The following ALLC variants were observed in gnomAD, a reference collection of about 807,000 sequenced individuals.
The protein encoded by ALLC is probable inactive allantoicase.
In ALLC, 40 loss-of-function variants were observed where a neutral mutation model predicts 45.0. The ratio of observed to expected loss-of-function variants is 0.89; its 90% confidence interval spans 0.69 to 1.16. ALLC has a LOEUF of 1.16. Among genes scored for constraint, ALLC ranks in the 50% most tolerant of loss-of-function variants. The pLI is 0.00. For missense variants in ALLC, 488 were observed against 493.1 expected (o/e 0.99, Z 0.10); for synonymous variants, 176 against 178.1 (o/e 0.99, Z 0.09).
chr2:3,648,204 C>A, the ALLC span, among the ~76,000 whole-genome samples: 2 of 152,314 alleles, frequency 1.3e-5, no homozygotes, highest in Non-Finnish European at 2.9e-5. Context: ...TTTCTCCCCC[C>A]ATTAAGGAGC....
intron 4 of ALLC, among the ~76,000 whole-genome samples, chr2:3,679,231 A>G (rs1667108244): frequency 6.6e-6 from 1 of 152,224 alleles, no homozygotes; most frequent in African/African-American, 2.4e-5. Flanking sequence ...AGTTTCTAAC[A>G]AATCTGGACA....
At chr2:3,698,754 TTTTA>T (rs921474015) in intron 10 of ALLC, among the ~76,000 whole-genome samples, 122 of 152,034 alleles carry the variant, frequency 8.0e-4, no homozygotes, top group African/African-American at 2.7e-3. Flanking sequence ...TGGTTTTTAT[TTTTA>T]TTTATTTATT....
chr2:3,660,335 C>T (rs1032810866), intron 1 of ALLC, among the ~76,000 whole-genome samples: 4 of 152,182 alleles, frequency 2.6e-5, no homozygotes, highest in African/African-American at 9.7e-5. Context: ...GCTTTCTGTA[C>T]CGCCTGCAGA....
At chr2:3,700,263 C>T (rs1040203909) in intron 10 of ALLC, among the ~76,000 whole-genome samples, 4 of 152,132 alleles carry the variant, frequency 2.6e-5, no homozygotes, top group Non-Finnish European at 5.9e-5. Context: ...GGATTCATTT[C>T]CCCATTGCTT....
the ALLC span, among the ~76,000 whole-genome samples, chr2:3,651,321 G>GC: frequency 1.2e-3 from 2 of 1,726 alleles, no homozygotes; most frequent in Admixed American, 8.9e-3. Flanking sequence ...GGTGGGGGGG[G>GC]TGTGTGTGTG....
chr2:3,697,093 A>T (rs1667695180), intron 9 of ALLC, among the ~76,000 whole-genome samples: 1 of 152,204 alleles, frequency 6.6e-6, no homozygotes, highest in African/African-American at 2.4e-5. Context: ...TTTTGCAGGG[A>T]TCTATAATTG....
the ALLC span, among the ~76,000 whole-genome samples, chr2:3,652,038 A>G: frequency 6.6e-6 from 1 of 152,302 alleles, no homozygotes; most frequent in South Asian, 2.1e-4. Context: ...CAAGCAGGAA[A>G]ATCGCAGTCG....
upstream of ALLC, among the ~76,000 whole-genome samples, chr2:3,654,741 T>C (rs17017823): frequency 0.012 from 1,796 of 152,172 alleles, 13 homozygotes; most frequent in East Asian, 0.027. Context: ...TTCAGCTGAG[T>C]GGAAGAAACG....
At chr2:3,684,217 G>A (rs1448160655) in intron 7 of ALLC, among the ~76,000 whole-genome samples, 1 of 152,014 alleles carries the variant, frequency 6.6e-6, no homozygotes, top group African/African-American at 2.4e-5. Context: ...GCCACGTAAA[G>A]GAGTGCTGAT....
rs548157254 is a variant in ALLC at position 3,685,447 on chromosome 2, C to CAG, written c.511+2387_511+2388dup. Among the ~76,000 whole-genome samples the CAG allele has an allele frequency of 9.3e-3, 1,377 of 148,264 alleles. 71 individuals are homozygous for CAG. The highest frequency in any genetic ancestry group is 0.022 in the Middle Eastern group (6 of 276). On this transcript the variant is annotated intron_variant, in intron 7 of 11. Coordinates refer to ENST00000252505, the MANE Select transcript of ALLC (RefSeq NM_018436.4). ...CAGGATCGAGAGAGAGAGAGAGAGA[C>CAG]AGAGAGAGAGAGAGACAGAGACAGA...
At position 3,682,566 on chromosome 2, in the gene ALLC, C is replaced by T. The variant is rs933975401; in HGVS notation, c.379-376C>T. Among the ~76,000 whole-genome samples the T allele has an allele frequency of 5.9e-5, 9 of 152,306 alleles. No individual in the cohort carries two copies. In the East Asian group the frequency reaches 1.2e-3, roughly 20 times the overall value. The stretch of plus-strand genomic sequence containing the variant: ...TTTGGGACGGAGTCTCGCTCTGTGG[C>T]CCAGGCTGGAGTGCAGGGGCGCGAT... On this transcript the variant is annotated intron_variant, in intron 6 of 11. Transcript: ENST00000252505.
chr2:3,686,526 G>C (rs2148011757), intron 7 of ALLC, among the ~76,000 whole-genome samples: 1 of 150,898 alleles, frequency 6.6e-6, no homozygotes, highest in Middle Eastern at 3.4e-3. Context: ...AAATTGCTTT[G>C]GATAGTACTG....
intron 11 of ALLC, 104 bp downstream of exon 11, chr2:3,701,740 A>T (rs1667844772): frequency 7.4e-7 from 1 of 1,342,458 alleles, no homozygotes; most frequent in South Asian, 1.9e-5. Context: ...GCTCAGTTTA[A>T]TGGTAAAACG....
chr2:3,682,595 G>T (rs897561595), intron 6 of ALLC, among the ~76,000 whole-genome samples: 2 of 152,090 alleles, frequency 1.3e-5, no homozygotes, highest in African/African-American at 4.8e-5. Context: ...GCGCGATCTC[G>T]GCTCACTGCA....
intron 3 of ALLC, among the ~76,000 whole-genome samples, chr2:3,678,232 G>A (rs1348889727): frequency 6.6e-6 from 1 of 152,154 alleles, no homozygotes; most frequent in Non-Finnish European, 1.5e-5. Context: ...TGCTATCAGT[G>A]GTCAATTCTG....
At chr2:3,674,636 T>C (rs527694883) in intron 3 of ALLC, among the ~76,000 whole-genome samples, 1 of 152,302 alleles carries the variant, frequency 6.6e-6, no homozygotes, top group East Asian at 1.9e-4. Flanking sequence ...AATGCCCACG[T>C]ACAGCATTCA....
At chr2:3,690,695 T>C (rs573942897) in intron 7 of ALLC, among the ~76,000 whole-genome samples, 17 of 152,006 alleles carry the variant, frequency 1.1e-4, no homozygotes, top group African/African-American at 3.9e-4. Flanking sequence ...TCTACATTTT[T>C]AACTTTATCC....
At chr2:3,656,410 C>T (rs1666439873), upstream of ALLC, among the ~76,000 whole-genome samples, 1 of 152,248 alleles carries the variant, frequency 6.6e-6, no homozygotes, top group South Asian at 2.1e-4. Flanking sequence ...TCTGCTGTGC[C>T]ACGATGGAAA....
chr2:3,669,648 A>G (rs1262312785), intron 1 of ALLC, among the ~76,000 whole-genome samples: 1 of 152,100 alleles, frequency 6.6e-6, no homozygotes, highest in African/African-American at 2.4e-5. Flanking sequence ...ACTCCATCTC[A>G]AAAATAAATA....
Sources: gnomAD v4.1 joint callset for allele counts (sites outside exome capture counted in the v4.1 genomes callset) on GRCh38, gnomAD v4.1.1 for gene constraint, MANE v1.5 for transcripts, NCBI Gene and HGNC (gene_info 2026-07-23, HGNC 2026-07-21) for gene names.